SGK1: variants seen among roughly 807,000 people sequenced by gnomAD.
SGK1 encodes the protein serine/threonine-protein kinase Sgk1.
In SGK1, 26 loss-of-function variants were observed where a neutral mutation model predicts 64.2. The ratio of observed to expected loss-of-function variants is 0.40; its 90% CI spans 0.30 to 0.56. The LOEUF is 0.56. Among genes scored for constraint, SGK1 ranks in the 20% least tolerant of loss-of-function variants. SGK1 has a pLI of 0.38. For synonymous variants in SGK1, 265 were observed against 239.7 expected (o/e 1.11, Z -0.98); for missense variants, 519 against 645.6 (o/e 0.80, Z 2.12).
intron 2 of SGK1, among the ~76,000 whole-genome samples, chr6:134,249,737 G>A (rs1436220381): frequency 6.6e-6 from 1 of 152,166 alleles, no homozygotes; most frequent in African/African-American, 2.4e-5. Flanking sequence ...TGCTGGGAGA[G>A]GATTCAGCAT....
chr6:134,294,214 T>G (rs1299594127), intron 1 of SGK1, among the ~76,000 whole-genome samples: 8 of 152,098 alleles, frequency 5.3e-5, no homozygotes. Flanking sequence ...CTGTGCTGTA[T>G]TTTTTTTCAT....
intron 3 of SGK1, among the ~76,000 whole-genome samples, chr6:134,189,825 T>A (rs976356010): frequency 4.8e-5 from 7 of 145,106 alleles, no homozygotes; most frequent in Non-Finnish European, 9.3e-5. Context: ...TTTACCACAT[T>A]GTAAGTACTG....
At position 134,172,692 on chromosome 6, in the gene SGK1, C is replaced by G. The variant is rs1775069716; in HGVS notation, c.917G>C (p.Gly306Ala). 1 of 1,613,596 alleles carries G rather than the reference C, an allele frequency of 6.2e-7. No homozygotes were observed. The highest frequency in any genetic ancestry group is 8.5e-7 in the Non-Finnish European group (1 of 1,179,498). Reference sequence around the variant, plus strand: ...AACGATGTTCAGTGAATGCAGGTAGCCCAAGGCACTGGCTATTTCAGCAGC... The same window carrying G: ...AACGATGTTCAGTGAATGCAGGTAGGCCAAGGCACTGGCTATTTCAGCAGC... The part of the protein sequence containing the change: ...FYAAEIASAL[G>A]YLHSLNIVYR... Residue 306 changes from glycine (G) to alanine (A), a missense_variant, in exon 9 of 14, where the codon GGC becomes GCC. Gly to Ala is a moderately conservative substitution (Grantham distance 60). Coordinates refer to ENST00000367858, the MANE Select transcript of SGK1 (RefSeq NM_001143676.3).
At chr6:134,189,400 C>G (rs1198143564) in intron 3 of SGK1, among the ~76,000 whole-genome samples, 7 of 151,980 alleles carry the variant, frequency 4.6e-5, no homozygotes, top group Non-Finnish European at 1.0e-4. Flanking sequence ...ATAAATGAAA[C>G]AGATGTGAGC....
chr6:134,298,016 C>G, intron 1 of SGK1: 2 of 880,096 alleles, frequency 2.3e-6, no homozygotes, highest in Non-Finnish European at 3.9e-6. Flanking sequence ...AGATCTGGGA[C>G]TGCAGCTCCC....
chr6:134,255,124 C>T (rs1002156458), intron 2 of SGK1, among the ~76,000 whole-genome samples: 1 of 152,194 alleles, frequency 6.6e-6, no homozygotes, highest in African/African-American at 2.4e-5. Context: ...CTGCCTCGGC[C>T]TCCCAAAGTG....
rs531858619 is a variant in SGK1, at chr6:134,301,487, G to A, written c.69+15905C>T. 2.5e-3 allele frequency among the ~76,000 whole-genome samples: 383 copies of A among 152,092 alleles called. 1 individual carries two copies. Among genetic ancestry groups the A allele is most frequent in the African/African-American group, 8.5e-3 (352 of 41,446 alleles). ...ACAACTGAGTATTCCAAGGAGGAGC[G>A]GTCCACAGGAAGGACCACCTTTTCT... On this transcript the variant is annotated intron_variant, in intron 1 of 13. Coordinates refer to ENST00000367858, the MANE Select transcript of SGK1 (RefSeq NM_001143676.3).
chr6:134,189,944 G>A (rs1189733365), intron 3 of SGK1, among the ~76,000 whole-genome samples: 3 of 152,166 alleles, frequency 2.0e-5, no homozygotes, highest in African/African-American at 4.8e-5. Flanking sequence ...CCGCCTTCCG[G>A]ATTCAAGTGA....
At position 134,310,989 on chromosome 6, in the gene SGK1, T is replaced by C. The variant is rs117382543; in HGVS notation, c.69+6403A>G. On this transcript the variant is annotated intron_variant, in intron 1 of 13. Transcript: ENST00000367858. ...CTTGTTTGGCCTGACAAGAAAAGTATCATAGAAGAGAAGGTGTGTTATGGG... is the reference window on the plus strand; with the variant it reads ...CTTGTTTGGCCTGACAAGAAAAGTACCATAGAAGAGAAGGTGTGTTATGGG... Among the ~76,000 whole-genome samples the C allele has an allele frequency of 7.2e-4, 109 of 152,286 alleles. 1 individual carries two copies. The East Asian group carries it at 0.016, about 22-fold the overall frequency.
intron 2 of SGK1, chr6:134,261,094 G>T (rs1317489021): frequency 1.3e-5 from 2 of 152,084 alleles, no homozygotes; most frequent in African/African-American, 4.8e-5. Flanking sequence ...CAGTTATCTG[G>T]TTTTCTTGGA....
chr6:134,251,879 C>T (rs956689109), intron 2 of SGK1, among the ~76,000 whole-genome samples: 1 of 152,096 alleles, frequency 6.6e-6, no homozygotes, highest in East Asian at 1.9e-4. Flanking sequence ...CTCAGCCTCC[C>T]GAGTAGCTGG....
intron 5 of SGK1, 66 bp from the exon 6 acceptor site, chr6:134,173,632 A>G: frequency 9.1e-7 from 1 of 1,100,496 alleles, no homozygotes; most frequent in Non-Finnish European, 1.3e-6. Context: ...TATAACATAA[A>G]CGATGTAGAA....
chr6:134,305,868 CTA>C (rs1021893877), intron 1 of SGK1, among the ~76,000 whole-genome samples: 1 of 152,122 alleles, frequency 6.6e-6, no homozygotes, highest in African/African-American at 2.4e-5. Context: ...CTTTCAATTT[CTA>C]TATGAGTTTT....
intron 2 of SGK1, among the ~76,000 whole-genome samples, chr6:134,212,664 A>G (rs1361270507): frequency 6.6e-6 from 1 of 152,220 alleles, no homozygotes; most frequent in African/African-American, 2.4e-5. Flanking sequence ...AAGGACAGCC[A>G]GCATTATTTC....
chr6:134,175,587 G>C lies in SGK1; in HGVS notation c.362-1001C>G, dbSNP rs917768143. The C allele has an allele frequency of 3.2e-6, 5 of 1,569,128 alleles. No homozygotes were observed. The South Asian group carries it at 4.7e-5, about 15-fold the overall frequency. ...AGGACTCGCTCCTTTTCTGCGCCTCGGCCCTCTTTTTGTGGCGGGGCCGCA... is the reference window on the plus strand; with the variant it reads ...AGGACTCGCTCCTTTTCTGCGCCTCCGCCCTCTTTTTGTGGCGGGGCCGCA... On this transcript the variant is annotated intron_variant, in intron 3 of 13. Transcript: ENST00000367858.
At chr6:134,300,377 A>C (rs1319915707) in intron 1 of SGK1, among the ~76,000 whole-genome samples, 3 of 151,692 alleles carry the variant, frequency 2.0e-5, no homozygotes, top group Non-Finnish European at 4.4e-5. Flanking sequence ...ACTCTACTAA[A>C]AATTCAAAAA....
chr6:134,174,092 A>T lies in SGK1; in HGVS notation c.438-12T>A. 1 of 1,607,476 alleles carries T rather than the reference A, an allele frequency of 6.2e-7. No homozygotes were observed. The highest frequency in any genetic ancestry group is 1.3e-5 in the African/African-American group (1 of 74,764). On this transcript the variant is annotated splice_polypyrimidine_tract_variant and intron_variant, in intron 4 of 13. Transcript: ENST00000367858. The stretch of plus-strand genomic sequence containing the variant: ...ACTGAACTTCAGGGCTGCAGGGAAT[A>T]AAGGGCACGATTTAGAATCCAGCTC...
chr6:134,173,975 C>G (rs1775123470), intron 5 of SGK1, 30 bp downstream of exon 5: 1 of 1,514,024 alleles, frequency 6.6e-7, no homozygotes, highest in Admixed American at 1.7e-5. Context: ...TACAGTTCTC[C>G]ACAGATGCAC....
intron 2 of SGK1, among the ~76,000 whole-genome samples, chr6:134,224,742 G>T (rs1339855887): frequency 6.6e-6 from 1 of 151,922 alleles, no homozygotes; most frequent in Non-Finnish European, 1.5e-5. Context: ...TTATAATATG[G>T]CCAGGCGCAG....
Sources: allele counts gnomAD v4.1 joint callset (sites outside exome capture counted in the v4.1 genomes callset), GRCh38; gene constraint gnomAD v4.1.1; transcripts MANE v1.5; gene names NCBI Gene and HGNC (gene_info 2026-07-23, HGNC 2026-07-21).